Variants in COMMD1 observed in about 807,000 individuals in gnomAD.
COMMD1 encodes COMM domain-containing protein 1.
In COMMD1, 10 loss-of-function variants were observed where a neutral mutation model predicts 17.2. The ratio of observed to expected loss-of-function variants is 0.58; its 90% CI spans 0.36 to 0.99. COMMD1 has a LOEUF of 0.99. COMMD1 is among the 50% of genes least tolerant of loss of function. The pLI is 0.01. For synonymous variants in COMMD1, 97 were observed against 91.6 expected, an observed-to-expected ratio of 1.06 and a Z score of -0.34; for missense variants, 270 against 231.8, an observed-to-expected ratio of 1.17 and a Z score of -1.07.
chr2:62,097,122 G>A (rs979716326), intron 2 of COMMD1, among the ~76,000 whole-genome samples: 2 of 152,172 alleles, frequency 1.3e-5, no homozygotes, highest in African/African-American at 2.4e-5. Context: ...AGTAAGGTGT[G>A]GGGGTTAGGA....
At chr2:61,899,651 A>G (rs1405997353) in intron 1 of COMMD1, among the ~76,000 whole-genome samples, 2 of 151,994 alleles carry the variant, frequency 1.3e-5, no homozygotes, top group East Asian at 1.9e-4. Flanking sequence ...AATGATAGCA[A>G]TGTTTTTGGT....
intron 2 of COMMD1, among the ~76,000 whole-genome samples, chr2:62,061,769 A>G (rs1333323491): frequency 6.6e-6 from 1 of 151,362 alleles, no homozygotes. Flanking sequence ...GTTAGCCAGG[A>G]TAGGATGGTC....
intron 1 of COMMD1, among the ~76,000 whole-genome samples, chr2:61,930,030 T>C (rs1342674374): frequency 6.6e-6 from 1 of 151,996 alleles, no homozygotes; most frequent in Non-Finnish European, 1.5e-5. Context: ...ATATTTTTCC[T>C]CCCCTACAAC....
At chr2:62,091,012 G>A (rs1009736855) in intron 2 of COMMD1, among the ~76,000 whole-genome samples, 2 of 152,200 alleles carry the variant, frequency 1.3e-5, no homozygotes, top group Non-Finnish European at 2.9e-5. Flanking sequence ...CATAAGCGTG[G>A]TGGACCATAT....
At chr2:62,048,393 T>A (rs1470808975) in intron 2 of COMMD1, among the ~76,000 whole-genome samples, 1 of 152,006 alleles carries the variant, frequency 6.6e-6, no homozygotes, top group African/African-American at 2.4e-5. Context: ...TTTCACTGTG[T>A]TTGTCAGGAT....
At chr2:61,927,770 T>C (rs1048368198) in intron 1 of COMMD1, among the ~76,000 whole-genome samples, 2 of 151,798 alleles carry the variant, frequency 1.3e-5, no homozygotes, top group Non-Finnish European at 2.9e-5. Context: ...AACAGTGGCC[T>C]TCTGAAGGTT....
intron 2 of COMMD1, chr2:62,100,324 T>C (rs1254763525): frequency 6.6e-6 from 1 of 152,160 alleles, no homozygotes; most frequent in Non-Finnish European, 1.5e-5. Flanking sequence ...ACCAGATTAT[T>C]GTTGAAGAGT....
intron 2 of COMMD1, among the ~76,000 whole-genome samples, chr2:62,070,619 G>A (rs1671174026): frequency 6.6e-6 from 1 of 151,692 alleles, no homozygotes; most frequent in Non-Finnish European, 1.5e-5. Flanking sequence ...TGAAACCCAT[G>A]TATATGTGTT....
rs114633533 is a variant in COMMD1, at chr2:61,891,002, A to T, written n.119+2160A>T. Among the ~76,000 whole-genome samples the T allele has an allele frequency of 6.1e-3, 936 of 152,316 alleles. 8 individuals carry two copies. The highest frequency in any genetic ancestry group is 0.021 in the African/African-American group (877 of 41,568). ...TTGGAAACAAGTGGGTGATGAGGAA[A>T]TGCATTAATTTTGGGATGTAAAATA... On this transcript the variant is annotated intron_variant and non_coding_transcript_variant, in intron 1 of 2. Coordinates refer to the COMMD1 transcript ENST00000472729.
intron 1 of COMMD1, among the ~76,000 whole-genome samples, chr2:61,920,877 T>TTA (rs1010288127): frequency 2.5e-4 from 38 of 149,708 alleles, no homozygotes; most frequent in African/African-American, 3.7e-4. Flanking sequence ...GTATATATGT[T>TTA]TATATATATA....
chr2:61,909,488 A>G (rs1225699980), intron 1 of COMMD1, among the ~76,000 whole-genome samples: 2 of 152,320 alleles, frequency 1.3e-5, no homozygotes, highest in Non-Finnish European at 2.9e-5. Flanking sequence ...AGTTAAGAAC[A>G]TAGCATGGGT....
chr2:62,017,313 T>TA (rs1669475216), intron 2 of COMMD1, among the ~76,000 whole-genome samples: 1 of 152,228 alleles, frequency 6.6e-6, no homozygotes. Context: ...GATCCTGTGA[T>TA]ACTGGCCTCC....
chr2:61,983,489 C>T (rs1205607962), intron 1 of COMMD1, among the ~76,000 whole-genome samples: 1 of 152,056 alleles, frequency 6.6e-6, no homozygotes, highest in Non-Finnish European at 1.5e-5. Context: ...TGCTCCCGGC[C>T]TATAATGGCT....
At chr2:61,902,220 T>C (rs1407940855), upstream of COMMD1, among the ~76,000 whole-genome samples, 1 of 150,986 alleles carries the variant, frequency 6.6e-6, no homozygotes, top group Non-Finnish European at 1.5e-5. Flanking sequence ...TAGAAATCAC[T>C]GAAGTGTCCG....
chr2:61,944,302 A>G (rs781647211), intron 1 of COMMD1, among the ~76,000 whole-genome samples: 93 of 152,078 alleles, frequency 6.1e-4, no homozygotes, highest in Non-Finnish European at 9.3e-4. Flanking sequence ...AAGTACAAAA[A>G]TGAGCTGGGT....
chr2:62,004,566 TGCTGGGATTACAG>T (rs1167359611), intron 2 of COMMD1, among the ~76,000 whole-genome samples: 1 of 152,130 alleles, frequency 6.6e-6, no homozygotes, highest in Non-Finnish European at 1.5e-5. Flanking sequence ...CCTCCCAAAG[TGCTGGGATTACAG>T]GCTTGAGCCA....
At chr2:62,015,908 C>A (rs896272101) in intron 2 of COMMD1, among the ~76,000 whole-genome samples, 1 of 152,192 alleles carries the variant, frequency 6.6e-6, no homozygotes, top group South Asian at 2.1e-4. Flanking sequence ...TCTTGGCTCA[C>A]TGAAACCTCC....
chr2:62,102,796 T>G (rs1258523227), intron 2 of COMMD1, among the ~76,000 whole-genome samples: 1 of 152,156 alleles, frequency 6.6e-6, no homozygotes, highest in African/African-American at 2.4e-5. Context: ...CTTATTTGAC[T>G]GTAGGCCATA....
At chr2:62,112,695 G>T (rs1327058916) in intron 2 of COMMD1, among the ~76,000 whole-genome samples, 1 of 152,036 alleles carries the variant, frequency 6.6e-6, no homozygotes, top group African/African-American at 2.4e-5. Flanking sequence ...CCATTTTTTA[G>T]ATTTGGAAGC....
Sources: gnomAD v4.1 joint callset for allele counts (sites outside exome capture counted in the v4.1 genomes callset) on GRCh38, gnomAD v4.1.1 for gene constraint, MANE v1.5 for transcripts, NCBI Gene and HGNC (gene_info 2026-07-23, HGNC 2026-07-21) for gene names.